The following ZNF469 variants were observed in gnomAD, a reference collection of about 807,000 sequenced individuals.
ZNF469 encodes the protein zinc finger protein 469.
A neutral mutation model predicts 1.0 loss-of-function variants in ZNF469; 1 was observed. That is an observed-to-expected ratio of 1.00 (90% confidence interval 0.35 to 4.73). The LOEUF (loss-of-function observed/expected upper bound fraction) is 4.73. Ranked by LOEUF, ZNF469 falls within the 30% of genes most tolerant of loss-of-function variation. ZNF469 has a pLI of 0.16. For synonymous variants in ZNF469, 2,703 were observed against 2,363.4 expected, an observed-to-expected ratio of 1.14 and a Z score of -4.17; for missense variants, 6,100 against 5,356.3, an observed-to-expected ratio of 1.14 and a Z score of -4.33.
the ZNF469 span, among the ~76,000 whole-genome samples, chr16:88,131,815 G>A: frequency 2.6e-5 from 4 of 152,148 alleles, no homozygotes; most frequent in Admixed American, 6.5e-5. Context: ...CCTGGGACAC[G>A]GCTGTGCTTT....
chr16:88,365,858 C>T, the ZNF469 span, among the ~76,000 whole-genome samples: 1 of 152,188 alleles, frequency 6.6e-6, no homozygotes, highest in Non-Finnish European at 1.5e-5. Flanking sequence ...AGCTACCAGG[C>T]TGAGACTGCC....
the ZNF469 span, among the ~76,000 whole-genome samples, chr16:88,200,086 G>A: frequency 6.6e-6 from 1 of 151,870 alleles, no homozygotes; most frequent in Admixed American, 6.6e-5. Context: ...CGTGCCCCGG[G>A]GGGAGGATGA....
chr16:88,426,793 T>G (rs931349621), intron 2 of ZNF469, among the ~76,000 whole-genome samples: 9 of 151,500 alleles, frequency 5.9e-5, no homozygotes, highest in African/African-American at 2.2e-4. Context: ...AGTCCCCGCT[T>G]GGAACCAGCC....
chr16:88,309,158 G>T, the ZNF469 span, among the ~76,000 whole-genome samples: 1 of 152,206 alleles, frequency 6.6e-6, no homozygotes, highest in Non-Finnish European at 1.5e-5. Context: ...TGTGCGTGTT[G>T]CCCAGAGGCC....
At chr16:88,366,709 A>G in the ZNF469 span, among the ~76,000 whole-genome samples, 1 of 151,334 alleles carries the variant, frequency 6.6e-6, no homozygotes, top group Non-Finnish European at 1.5e-5. Flanking sequence ...CACCATCACC[A>G]TCATCATCAC....
chr16:88,254,542 G>A, the ZNF469 span, among the ~76,000 whole-genome samples: 3 of 152,160 alleles, frequency 2.0e-5, no homozygotes, highest in Non-Finnish European at 2.9e-5. Context: ...CAGATCACTC[G>A]AGGTCAGGAG....
At chr16:88,211,550 A>G in the ZNF469 span, among the ~76,000 whole-genome samples, 1 of 151,232 alleles carries the variant, frequency 6.6e-6, no homozygotes, top group Non-Finnish European at 1.5e-5. Flanking sequence ...TGTAACAAAG[A>G]CTGGGCTCTG....
intron 1 of ZNF469, among the ~76,000 whole-genome samples, chr16:88,398,514 C>CATGTGAGCCACAGATGAGGGGT (rs1297591021): frequency 3.3e-5 from 5 of 149,380 alleles, no homozygotes; most frequent in African/African-American, 1.3e-4. Context: ...GACAAGAGGA[C>CATGTGAGCCACAGATGAGGGGT]ATGTGAGCCA....
At chr16:88,229,445 T>G in the ZNF469 span, among the ~76,000 whole-genome samples, 1 of 152,228 alleles carries the variant, frequency 6.6e-6, no homozygotes, top group Admixed American at 6.5e-5. Context: ...GCAGCTTGTT[T>G]TCCGTTCCTG....
chr16:88,398,359 G>A (rs1319750541), intron 1 of ZNF469, among the ~76,000 whole-genome samples: 6 of 150,102 alleles, frequency 4.0e-5, no homozygotes, highest in Middle Eastern at 3.8e-3. Context: ...CGTGAGCCAC[G>A]GATGAAGGAG....
chr16:88,417,512 G>T (rs1905335643), intron 1 of ZNF469, among the ~76,000 whole-genome samples: 1 of 152,204 alleles, frequency 6.6e-6, no homozygotes, highest in East Asian at 1.9e-4. Flanking sequence ...CTGCTAGAAG[G>T]TTCCTGGGGC....
At chr16:88,181,882 C>T in the ZNF469 span, among the ~76,000 whole-genome samples, 3 of 152,228 alleles carry the variant, frequency 2.0e-5, no homozygotes, top group East Asian at 3.9e-4. Context: ...AGGTTCTGGC[C>T]ACTGAAATAA....
At chr16:88,355,625 G>T in the ZNF469 span, among the ~76,000 whole-genome samples, 1 of 152,222 alleles carries the variant, frequency 6.6e-6, no homozygotes, top group Non-Finnish European at 1.5e-5. Flanking sequence ...ACAGGCAGCA[G>T]TCTGCTCTGT....
chr16:88,404,143 CAT>C (rs1010534307), intron 1 of ZNF469, among the ~76,000 whole-genome samples: 1 of 152,032 alleles, frequency 6.6e-6, no homozygotes, highest in African/African-American at 2.4e-5. Context: ...CCTTTTTAAA[CAT>C]ATACAAGAGC....
chr16:88,347,701 C>T, the ZNF469 span, among the ~76,000 whole-genome samples: 1 of 152,234 alleles, frequency 6.6e-6, no homozygotes, highest in East Asian at 1.9e-4. Context: ...CAGTGAAGAA[C>T]CTGCACCTCA....
the ZNF469 span, among the ~76,000 whole-genome samples, chr16:88,313,526 C>A: frequency 6.6e-6 from 1 of 152,124 alleles, no homozygotes; most frequent in Non-Finnish European, 1.5e-5. Context: ...TGTGGGCTGT[C>A]TCTGTAATTA....
rs75706884 is a variant in ZNF469 at position 88,439,997 on chromosome 16, G to A, written c.*665G>A. 8.7e-3 allele frequency: 1,324 copies of A among 152,740 alleles called. 10 individuals carry two copies. The highest frequency in any genetic ancestry group is 0.015 in the Non-Finnish European group (1,053 of 69,248). The allele number at this position is 152,740 out of a possible 1,614,324, so 9.5% of individuals were successfully genotyped here. A position where few individuals can be genotyped will look rare whatever the true frequency, so the allele number is the denominator to read the frequency against. ...CTAGCACACCTTGACCCCAGGAACC[G>A]GGTTCCCGTATGGAACTGGGAAGAA... On this transcript the variant is annotated 3_prime_UTR_variant, in exon 3 of 3. Transcript: ENST00000565624.
the ZNF469 span, among the ~76,000 whole-genome samples, chr16:88,109,173 T>A: frequency 2.0e-5 from 3 of 152,206 alleles, no homozygotes; most frequent in Admixed American, 2.0e-4. Flanking sequence ...AGCAGCTGCA[T>A]GGAAAGACTG....
the ZNF469 span, among the ~76,000 whole-genome samples, chr16:88,165,277 G>T: frequency 6.6e-6 from 1 of 152,256 alleles, no homozygotes; most frequent in Non-Finnish European, 1.5e-5. Flanking sequence ...GCCTTCCCTG[G>T]CTCCCAATGC....
Sources: gnomAD v4.1 joint callset for allele counts (sites outside exome capture counted in the v4.1 genomes callset) on GRCh38, gnomAD v4.1.1 for gene constraint, MANE v1.5 for transcripts, NCBI Gene and HGNC (gene_info 2026-07-23, HGNC 2026-07-21) for gene names.